The following TRPV6 variants were observed in gnomAD, a reference collection of about 807,000 sequenced individuals.
The protein encoded by TRPV6 is Alu-binding protein with zinc finger domain.
TRPV6 carries 39 observed loss-of-function variants against 79.0 expected under a neutral mutation model. The ratio of observed to expected loss-of-function variants is 0.49; its 90% CI spans 0.38 to 0.64. TRPV6 has a LOEUF of 0.64. TRPV6 is among the 30% of genes least tolerant of loss of function. TRPV6 has a pLI of 0.00. For missense variants in TRPV6, 813 were observed against 1,011.1 expected (o/e 0.80, Z 2.66); for synonymous variants, 373 against 391.9 (o/e 0.95, Z 0.57).
rs759393722 is a variant in TRPV6 at position 142,874,958 on chromosome 7, C to T, written c.1352G>A (p.Gly451Glu). 6.2e-6 allele frequency: 10 copies of T among 1,614,078 alleles called. No homozygotes were observed. In the East Asian group the frequency reaches 1.3e-4, roughly 22 times the overall value. The change falls in exon 10 of 15, where the codon GGG (glycine) becomes GAG (glutamate). Residue 451 changes from glycine to glutamate, a missense_variant. Physicochemically the swap from Gly to Glu is moderately conservative, Grantham distance 98. Coordinates refer to ENST00000359396, the MANE Select transcript of TRPV6 (RefSeq NM_018646.6). ...GGTCTGTCCAAAGAAGCGAGTGACC[C>T]CCATTCTGAAGATGTCTGGAACCTG...
intron 14 of TRPV6, 91 bp from the exon 15 acceptor site, chr7:142,872,080 C>A (rs1018571879): frequency 1.3e-6 from 2 of 1,487,608 alleles, no homozygotes; most frequent in Admixed American, 2.3e-5. Flanking sequence ...GTCCTCCCAT[C>A]CCCGCCATTG....
Position 142,876,109 on chromosome 7 carries a change from T to C in TRPV6, c.883-205A>G, listed in dbSNP as rs1795061437. The C allele has an allele frequency of 7.7e-5, 53 of 684,482 alleles. No homozygotes were observed. The South Asian group carries it at 1.2e-3, about 16-fold the overall frequency. The allele number at this position is 684,482 out of a possible 1,614,324, so 42.4% of individuals were successfully genotyped here. On this transcript the variant is annotated intron_variant, in intron 6 of 14. Transcript: ENST00000359396. ...CCTCTCCCATGACTCCCTCCAGAGT[T>C]TGGAAAGGAGAGACGAGAGGCTGGA...
chr7:142,881,671 T>C (rs1795194490), intron 1 of TRPV6: 1 of 152,208 alleles, frequency 6.6e-6, no homozygotes, highest in Non-Finnish European at 1.5e-5. Flanking sequence ...TAGTTCAACA[T>C]TAGCCTGGTG....
intron 8 of TRPV6, 66 bp downstream of exon 8, chr7:142,875,402 G>A: frequency 6.8e-7 from 1 of 1,480,864 alleles, no homozygotes; most frequent in Admixed American, 2.1e-5. Flanking sequence ...GGAGGAAAGG[G>A]ACACCAGTCT....
intron 8 of TRPV6, 21 bp from the exon 9 acceptor site, chr7:142,875,185 T>C: frequency 6.2e-7 from 1 of 1,613,490 alleles, no homozygotes; most frequent in Non-Finnish European, 8.5e-7. Context: ...AGAAGAACAG[T>C]CAAAATGCTC....
chr7:142,875,579 C>T lies in TRPV6; in HGVS notation c.1131G>A (p.Leu377=), dbSNP rs4987664. The change falls in exon 8 of 15, where the codon CTG becomes CTA. Residue 377 remains leucine, a synonymous_variant. Transcript: ENST00000359396. ...ACATGGTGAAGCAGATGATGTACAG[C>T]AGATATATGGCACCCAGCATGCAGA... 3.9e-3 allele frequency: 6,273 copies of T among 1,613,590 alleles called. 232 individuals are homozygous for T. In the African/African-American group the frequency reaches 0.074, roughly 19 times the overall value.
At chr7:142,878,754 C>A (rs1795134794) in intron 1 of TRPV6, 1 of 152,300 alleles carries the variant, frequency 6.6e-6, no homozygotes, top group African/African-American at 2.4e-5. Context: ...TTTCTTCTCA[C>A]ATCATCTCAA....
chr7:142,872,575 A>G lies in TRPV6; in HGVS notation c.1909-97T>C, dbSNP rs1391211772. The G allele has an allele frequency of 2.4e-6, 3 of 1,228,154 alleles. No homozygotes were observed. The African/African-American group carries it at 4.5e-5, about 18-fold the overall frequency. 76.1% of individuals were successfully genotyped at this position (1,228,154 alleles called of 1,614,324 possible). On this transcript the variant is annotated intron_variant, in intron 13 of 14. Transcript: ENST00000359396. The stretch of plus-strand genomic sequence containing the variant: ...TTGTTGACCTTCTTCAGTGGGAGAG[A>G]GTTGATAGAGCTTGAGACCAACAAT...
In TRPV6 at chr7:142,885,271, TG is replaced by T. The variant is rs1047518258; in HGVS notation, c.248+117del. 34 of 1,286,662 alleles carry T rather than the reference TG, an allele frequency of 2.6e-5. 1 individual carries two copies. In the Admixed American group the frequency reaches 7.8e-4, roughly 30 times the overall value. The allele number at this position is 1,286,662 out of a possible 1,614,324, so 79.7% of individuals were successfully genotyped here. ...TGCTCCCAAGGAGCCAGTCCGGGCC[TG>T]GGAGCACCATCTGTCCAGCCAAAGG... On this transcript the variant is annotated intron_variant, in intron 1 of 14. Transcript: ENST00000359396.
chr7:142,871,375 T>G lies in TRPV6; in HGVS notation c.*332A>C. 2.3e-6 allele frequency: 1 copy of G among 438,770 alleles called. No homozygotes were observed. Among genetic ancestry groups the G allele is most frequent in the Non-Finnish European group, 4.2e-6 (1 of 240,352 alleles). The allele number at this position is 438,770 out of a possible 1,614,324, so 27.2% of individuals were successfully genotyped here. On this transcript the variant is annotated 3_prime_UTR_variant, in exon 15 of 15. Transcript: ENST00000359396. ...AGGGCTCTCTCCCCACTTATGACCC[T>G]GGGGTGGAGACCGAGCGCCCAAGCA...
chr7:142,876,253 G>A (rs1485436240), intron 6 of TRPV6, 155 bp downstream of exon 6: 2 of 1,134,704 alleles, frequency 1.8e-6, no homozygotes, highest in African/African-American at 1.6e-5. Context: ...GCAAGAAAGG[G>A]AACAGGTAAC....
chr7:142,877,051 C>T (rs569316420), intron 4 of TRPV6, 91 bp downstream of exon 4: 52 of 1,500,494 alleles, frequency 3.5e-5, no homozygotes, highest in African/African-American at 2.8e-4. Flanking sequence ...CCAACAGATA[C>T]GGCTGAAGAC....
chr7:142,875,107 T>C lies in TRPV6; in HGVS notation c.1300A>G (p.Ile434Val). 6.2e-7 allele frequency: 1 copy of C among 1,614,056 alleles called. No individual in the cohort carries two copies. The highest frequency in any genetic ancestry group is 8.5e-7 in the Non-Finnish European group (1 of 1,179,996). Residue 434 changes from isoleucine (I) to valine (V), a missense_variant, in exon 9 of 15, where the codon ATT becomes GTT. Physicochemically the swap from Ile to Val is conservative, Grantham distance 29. Around this residue, in one of 3 missense-constraint regions of TRPV6, gnomAD observed 555 missense variants for 631.0 expected, o/e 0.88. Transcript: ENST00000359396. Reference sequence around the variant, plus strand: ...ACCAGCAGGATGATGATAGCCCCAATGACAGTCACCAGCTCCCCGACCAGC... The same window carrying C: ...ACCAGCAGGATGATGATAGCCCCAACGACAGTCACCAGCTCCCCGACCAGC...
Position 142,873,351 on chromosome 7 carries a change from A to C in TRPV6, c.1908+97T>G, listed in dbSNP as rs545864916. ...CTAGCTTTGCCACAACTGTCCAAAC[A>C]TAAGTGGGGTGGAGATATCCTGTCT... On this transcript the variant is annotated intron_variant, in intron 13 of 14. Transcript: ENST00000359396. The surrounding 1 kb of genome is among the most constrained non-coding windows in gnomAD (Gnocchi z 4.8). The C allele has an allele frequency of 3.0e-5, 46 of 1,527,118 alleles. No homozygotes were observed. Among genetic ancestry groups the C allele is most frequent in the African/African-American group, 2.6e-4 (19 of 73,650 alleles). 94.6% of individuals were successfully genotyped at this position (1,527,118 alleles called of 1,614,324 possible). A position where few individuals can be genotyped will look rare whatever the true frequency, so the allele number is the denominator to read the frequency against.
intron 1 of TRPV6, chr7:142,881,759 A>C (rs1789923784): frequency 6.6e-6 from 1 of 152,208 alleles, no homozygotes; most frequent in Non-Finnish European, 1.5e-5. Flanking sequence ...CCTCCTTCTC[A>C]GGGCTGCCTC....
At chr7:142,876,313 A>T (rs972259014) in intron 6 of TRPV6, 95 bp downstream of exon 6, 1 of 1,489,676 alleles carries the variant, frequency 6.7e-7, no homozygotes, top group Non-Finnish European at 9.0e-7. Context: ...GGATCTAAGC[A>T]TCAGGGATCG....
Position 142,885,603 on chromosome 7 carries a change from G to A in TRPV6, c.34C>T (p.Leu12Phe). 1 of 1,489,992 alleles carries A rather than the reference G, an allele frequency of 6.7e-7. No individual in the cohort carries two copies. Among genetic ancestry groups the A allele is most frequent in the South Asian group, 1.4e-5 (1 of 72,348 alleles). The allele number at this position is 1,489,992 out of a possible 1,614,324, so 92.3% of individuals were successfully genotyped here. Residue 12 changes from leucine (L) to phenylalanine (F), a missense_variant, in exon 1 of 15, where the codon CTT becomes TTT. Physicochemically the swap from Leu to Phe is conservative, Grantham distance 22. Transcript: ENST00000359396. ...CTTGGGGCCACATCAGCCCCCCCAA[G>A]GGCCGGCCCACCGTCTCCCTGTAGA...
chr7:142,872,035 C>T (rs1794945984), intron 14 of TRPV6, 46 bp from the exon 15 acceptor site: 2 of 1,541,788 alleles, frequency 1.3e-6, no homozygotes, highest in Non-Finnish European at 1.7e-6. Context: ...ACTTGAAGAA[C>T]AGATCCAAGA....
At chr7:142,882,478 C>G (rs535223506) in intron 1 of TRPV6, 1 of 152,116 alleles carries the variant, frequency 6.6e-6, no homozygotes, top group Non-Finnish European at 1.5e-5. Context: ...TTTTATGGCT[C>G]CTCCTGATTT....
Sources: allele counts gnomAD v4.1 joint callset, GRCh38; gene constraint gnomAD v4.1.1; regional missense constraint gnomAD v4.1.1; non-coding constraint Gnocchi (gnomAD v3.1); transcripts MANE v1.5; gene names NCBI Gene and HGNC (gene_info 2026-07-23, HGNC 2026-07-21).